Variants in TJP3 observed in about 807,000 individuals in gnomAD.
TJP3 encodes the protein tight junction protein 3.
A neutral mutation model predicts 104.2 loss-of-function variants in TJP3; 85 were observed. The observed-to-expected ratio is 0.82, with a 90% CI of 0.68 to 0.98. TJP3 has a LOEUF of 0.98. Ranked by LOEUF, TJP3 falls within the 50% of genes least tolerant of loss-of-function variation. The probability of loss-of-function intolerance (pLI) is 0.00; values close to 1 mark genes in which losing one functional copy is unlikely to be tolerated. For missense variants in TJP3, 1,367 were observed against 1,322.8 expected (o/e 1.03, Z -0.52); for synonymous variants, 550 against 550.6 (o/e 1.00, Z 0.02).
intron 1 of TJP3, among the ~76,000 whole-genome samples, chr19:3,726,420 AG>A (rs2036596219): frequency 6.6e-6 from 1 of 152,124 alleles, no homozygotes; most frequent in Non-Finnish European, 1.5e-5. Flanking sequence ...CAACATGGTG[AG>A]ACCCCCGTCT....
rs577092717 is a variant in TJP3 at position 3,730,825 on chromosome 19, C to A, written c.613+119C>A. ...CCTCCCTGGTGGCTGGGACTCCAGG[C>A]GCCCGCCACCATGCCTGGCTAATTT... On this transcript the variant is annotated intron_variant, in intron 5 of 20. Coordinates refer to ENST00000541714, the MANE Select transcript of TJP3 (RefSeq NM_001267560.2). This position sits in a 1 kb window ranked among gnomAD's most constrained non-coding sequence, Gnocchi z 7.3. The A allele has an allele frequency of 2.9e-6, 3 of 1,046,886 alleles. No homozygotes were observed. Among genetic ancestry groups the A allele is most frequent in the Non-Finnish European group, 4.0e-6 (3 of 750,242 alleles). 64.8% of individuals were successfully genotyped at this position (1,046,886 alleles called of 1,614,324 possible). A position where few individuals can be genotyped will look rare whatever the true frequency, so the allele number is the denominator to read the frequency against.
chr19:3,743,922 G>A lies in TJP3; in HGVS notation c.1844-17G>A. 6.2e-7 allele frequency: 1 copy of A among 1,611,948 alleles called. No individual in the cohort carries two copies. Among genetic ancestry groups the A allele is most frequent in the East Asian group, 2.2e-5 (1 of 44,886 alleles). ...CAAATGGGACCCTGATTCTTTCACT[G>A]TGTCTCTACCCCTCAGCCAGTTTCA... On this transcript the variant is annotated splice_polypyrimidine_tract_variant and intron_variant, in intron 14 of 20. Coordinates refer to ENST00000541714, the MANE Select transcript of TJP3 (RefSeq NM_001267560.2).
At chr19:3,744,650 G>A (rs1243360175) in intron 15 of TJP3, among the ~76,000 whole-genome samples, 2 of 148,718 alleles carry the variant, frequency 1.3e-5, no homozygotes, top group African/African-American at 4.9e-5. Flanking sequence ...ACGACGGAAT[G>A]AGACTCTGTC....
chr19:3,712,958 AAAAAAG>A (rs1390814974), intron 1 of TJP3, among the ~76,000 whole-genome samples: 10 of 151,778 alleles, frequency 6.6e-5, no homozygotes, highest in Admixed American at 1.3e-4. Context: ...TCAAAAAAAA[AAAAAAG>A]AAAAGAAAAG....
At chr19:3,721,823 G>A (rs963617710) in intron 1 of TJP3, 11 of 943,284 alleles carry the variant, frequency 1.2e-5, no homozygotes, top group Non-Finnish European at 1.5e-5. Flanking sequence ...CCCCCAGCCC[G>A]GGGTGGGGGC....
At chr19:3,709,729 G>A (rs1388583757) in intron 1 of TJP3, among the ~76,000 whole-genome samples, 1 of 152,152 alleles carries the variant, frequency 6.6e-6, no homozygotes, top group Non-Finnish European at 1.5e-5. Context: ...TGAGATTCGG[G>A]AGTCCGTGGG....
chr19:3,744,034 G>A lies in TJP3; in HGVS notation c.1939G>A (p.Glu647Lys), dbSNP rs761476091. ...AEMPDQFEIA[E>K]TVSRTDSPSK... The stretch of plus-strand genomic sequence containing the variant: ...GATGCCTGACCAGTTTGAAATCGCA[G>A]GTGAGAAGCCAGATCCTCTGGAAAC... The change falls in exon 15 of 21, where the codon GAG becomes AAG. Residue 647 changes from glutamate to lysine, a missense_variant and splice_region_variant. Coordinates refer to ENST00000541714, the MANE Select transcript of TJP3 (RefSeq NM_001267560.2). 9 of 1,613,808 alleles carry A rather than the reference G, an allele frequency of 5.6e-6. No homozygotes were observed. The highest frequency in any genetic ancestry group is 3.3e-5 in the South Asian group (3 of 91,062).
rs1038979682 is a variant in TJP3, at chr19:3,748,159, C to T, written c.2610+78C>T. Reference sequence around the variant, plus strand: ...GCACAGAGCAGACACACACTGGGAGCCTGTTTTCTACCAGGACGTCAACAA... The same window carrying T: ...GCACAGAGCAGACACACACTGGGAGTCTGTTTTCTACCAGGACGTCAACAA... On this transcript the variant is annotated intron_variant, in intron 19 of 20. Coordinates refer to ENST00000541714, the MANE Select transcript of TJP3 (RefSeq NM_001267560.2). 42 of 1,441,010 alleles carry T rather than the reference C, an allele frequency of 2.9e-5. No homozygotes were observed. In the African/African-American group the frequency reaches 5.4e-4, roughly 19 times the overall value. 89.3% of individuals were successfully genotyped at this position (1,441,010 alleles called of 1,614,324 possible). A position where few individuals can be genotyped will look rare whatever the true frequency, so the allele number is the denominator to read the frequency against.
chr19:3,713,542 A>C (rs1429101957), intron 1 of TJP3, among the ~76,000 whole-genome samples: 1 of 152,182 alleles, frequency 6.6e-6, no homozygotes, highest in Non-Finnish European at 1.5e-5. Context: ...GGGCCTGCGG[A>C]GAGACGTGAA....
intron 1 of TJP3, among the ~76,000 whole-genome samples, chr19:3,718,343 A>T (rs1317666824): frequency 2.0e-5 from 3 of 151,078 alleles, no homozygotes; most frequent in Non-Finnish European, 4.4e-5. Context: ...TCGGCCTTCC[A>T]AAGTGCTGGG....
chr19:3,715,311 G>A (rs1162171797), intron 1 of TJP3, among the ~76,000 whole-genome samples: 2 of 152,056 alleles, frequency 1.3e-5, no homozygotes, highest in African/African-American at 4.8e-5. Flanking sequence ...GGATGGTCTC[G>A]ATCTCCTGAC....
In TJP3 at chr19:3,730,469, C is replaced by A; in HGVS notation, c.376C>A (p.Gln126Lys). ...DGPQRVEEVD[Q>K]GRGYDGDSSS... Reference sequence around the variant, plus strand: ...GCCCCAGCGGGTGGAGGAGGTGGACCAGGGCCGGGGCTATGACGGCGACTC... The same window carrying A: ...GCCCCAGCGGGTGGAGGAGGTGGACAAGGGCCGGGGCTATGACGGCGACTC... Residue 126 changes from glutamine to lysine, a missense_variant, in exon 5 of 21, where the codon CAG becomes AAG. By Grantham distance (53) the Gln-to-Lys change is moderately conservative (BLOSUM62 1). Transcript: ENST00000541714. This position sits in a 1 kb window ranked among gnomAD's most constrained non-coding sequence, Gnocchi z 7.3. 1 of 1,584,414 alleles carries A rather than the reference C, an allele frequency of 6.3e-7. No individual in the cohort carries two copies.
At chr19:3,727,997 T>C (rs369976981) in intron 1 of TJP3, among the ~76,000 whole-genome samples, 15 of 151,898 alleles carry the variant, frequency 9.9e-5, no homozygotes, top group African/African-American at 3.6e-4. Flanking sequence ...CCCAGCACTT[T>C]GGGAGGCCGA....
At chr19:3,721,094 G>T (rs1032867374) in intron 1 of TJP3, among the ~76,000 whole-genome samples, 4 of 151,806 alleles carry the variant, frequency 2.6e-5, no homozygotes, top group Admixed American at 2.6e-4. Flanking sequence ...AGAGACAGAC[G>T]TTTCACCATG....
chr19:3,744,264 TGAGGCAAAGTGCCACCTG>T (rs1451579959), intron 15 of TJP3, among the ~76,000 whole-genome samples: 1 of 152,186 alleles, frequency 6.6e-6, no homozygotes. Flanking sequence ...CATTGCCAAT[TGAGGCAAAGTGCCACCTG>T]TTATTTGTTT....
At chr19:3,734,227 A>T (rs758106497) in intron 7 of TJP3, 100 bp from the exon 8 acceptor site, 36 of 1,277,414 alleles carry the variant, frequency 2.8e-5, no homozygotes, top group Non-Finnish European at 3.9e-5. Context: ...ACTTTGGTCT[A>T]GGGCCCTTTG....
chr19:3,745,491 G>A (rs958516737), intron 15 of TJP3, among the ~76,000 whole-genome samples: 28 of 152,136 alleles, frequency 1.8e-4, no homozygotes, highest in Non-Finnish European at 3.5e-4. Context: ...ATGAGATCAC[G>A]TCTCCCTCCT....
intron 1 of TJP3, among the ~76,000 whole-genome samples, chr19:3,726,163 C>G (rs2036594112): frequency 6.6e-6 from 1 of 152,240 alleles, no homozygotes; most frequent in Non-Finnish European, 1.5e-5. Context: ...CTTCTACAAA[C>G]TCCCTCCCCA....
At position 3,725,584 on chromosome 19, in the gene TJP3, C is replaced by T. The variant is rs560469081; in HGVS notation, c.-9-2840C>T. Among the ~76,000 whole-genome samples, 39 of 149,984 alleles carry T rather than the reference C, an allele frequency of 2.6e-4. No homozygotes were observed. In the East Asian group the frequency reaches 5.3e-3, roughly 20 times the overall value. On this transcript the variant is annotated intron_variant, in intron 1 of 20. Transcript: ENST00000541714. ...GTGGGTGCCTATAATCCCAGCTACT[C>T]GGGAGGCTGAGTCAGGAGAATAACT...
Sources: gnomAD v4.1 joint callset for allele counts (sites outside exome capture counted in the v4.1 genomes callset) on GRCh38, gnomAD v4.1.1 for gene constraint, Gnocchi (gnomAD v3.1) non-coding constraint, MANE v1.5 for transcripts, NCBI Gene and HGNC (gene_info 2026-07-23, HGNC 2026-07-21) for gene names.